CCNL1: variants seen among roughly 807,000 people sequenced by gnomAD.
CCNL1 encodes the protein cyclin L1.
Under a neutral mutation model 60.6 loss-of-function variants are expected in CCNL1, and 13 were observed. That is an observed-to-expected ratio of 0.21 (90% confidence interval 0.14 to 0.34). CCNL1 has a LOEUF of 0.34. CCNL1 is among the 10% of genes least tolerant of loss of function. CCNL1 has a pLI of 1.00. For missense variants in CCNL1, 481 were observed against 664.3 expected (o/e 0.72, Z 3.03); for synonymous variants, 270 against 244.3 (o/e 1.10, Z -0.98).
intron 3 of CCNL1, among the ~76,000 whole-genome samples, chr3:157,158,335 A>T (rs117684890): frequency 6.6e-6 from 1 of 152,342 alleles, no homozygotes; most frequent in East Asian, 1.9e-4. Flanking sequence ...AAACTTTATC[A>T]TCCTGCAGTC....
In CCNL1 at chr3:157,158,959, C is replaced by G; in HGVS notation, c.395G>C (p.Cys132Ser). ...KHSFEIVAMA[C>S]INLASKIEEA... ...TTCGATTTTTGATGCAAGATTAATACAAGCCATAGCAACAATCTGAAAGAA... is the reference window on the plus strand; with the variant it reads ...TTCGATTTTTGATGCAAGATTAATAGAAGCCATAGCAACAATCTGAAAGAA... The change falls in exon 3 of 11, where the codon TGT (cysteine) becomes TCT (serine). Residue 132 changes from cysteine to serine, a missense_variant. Physicochemically the swap from Cys to Ser is moderately radical, Grantham distance 112. Transcript: ENST00000295926. 6.2e-7 allele frequency: 1 copy of G among 1,608,068 alleles called. No homozygotes were observed. The highest frequency in any genetic ancestry group is 8.5e-7 in the Non-Finnish European group (1 of 1,177,264).
chr3:157,144,143 G>A (rs1485067277), downstream of CCNL1, among the ~76,000 whole-genome samples: 2 of 152,168 alleles, frequency 1.3e-5, no homozygotes, highest in African/African-American at 4.8e-5. Flanking sequence ...GAAGGGAGAA[G>A]AGGACACCTG....
At chr3:157,154,723 A>C (rs371814752) in intron 3 of CCNL1, 1 of 152,222 alleles carries the variant, frequency 6.6e-6, no homozygotes. Context: ...TGACAAGATA[A>C]AAGACAGCTG....
At chr3:157,150,442 T>C in intron 5 of CCNL1, 61 bp from the exon 6 acceptor site, 2 of 1,564,402 alleles carry the variant, frequency 1.3e-6, no homozygotes, top group Non-Finnish European at 1.7e-6. Flanking sequence ...GAAGCTTACA[T>C]AAAATTGGAG....
At chr3:157,143,655 T>C (rs1396894116), downstream of CCNL1, among the ~76,000 whole-genome samples, 1 of 152,162 alleles carries the variant, frequency 6.6e-6, no homozygotes, top group Non-Finnish European at 1.5e-5. Flanking sequence ...AAATTAGTGC[T>C]GGCTAAGGGA....
rs1317704381 is a variant in CCNL1 at position 157,159,840 on chromosome 3, C to T, written c.255G>A (p.Leu85=). Residue 85 remains leucine, a synonymous_variant, in exon 1 of 11, where the codon CTG becomes CTA. Coordinates refer to ENST00000295926, the MANE Select transcript of CCNL1 (RefSeq NM_020307.4). The part of the protein sequence containing the change: ...DLPSETDLRI[L]GCELIQAAGI... ...CGGCGGCCTGGATGAGCTCGCAGCC[C>T]AGGATGCGTAAGTCCGTCTCACTGG... 1 of 1,558,588 alleles carries T rather than the reference C, an allele frequency of 6.4e-7. No individual in the cohort carries two copies. The highest frequency in any genetic ancestry group is 1.4e-5 in the African/African-American group (1 of 73,614).
In CCNL1 at chr3:157,152,262, A is replaced by T. The variant is rs149273732; in HGVS notation, c.610-21T>A. The T allele has an allele frequency of 3.2e-5, 52 of 1,601,312 alleles. No homozygotes were observed. In the African/African-American group the frequency reaches 6.6e-4, roughly 20 times the overall value. ...ATGATCTGAAGGACAAGGGAAAAAA[A>T]CTCAATTCAGTATACTGGTAGTTCT... On this transcript the variant is annotated intron_variant, in intron 4 of 10. Coordinates refer to ENST00000295926, the MANE Select transcript of CCNL1 (RefSeq NM_020307.4).
chr3:157,151,349 T>C, intron 5 of CCNL1: 1 of 985,886 alleles, frequency 1.0e-6, no homozygotes, highest in Non-Finnish European at 1.2e-6. Context: ...ACAAACTCCT[T>C]GGCTTGACCT....
At position 157,153,166 on chromosome 3, in the gene CCNL1, G is replaced by A. The variant is rs775331643; in HGVS notation, c.489-10C>T. 6.3e-7 allele frequency: 1 copy of A among 1,594,860 alleles called. No homozygotes were observed. The highest frequency in any genetic ancestry group is 1.4e-5 in the African/African-American group (1 of 73,556). ...CAGGGGGCTTGGAGTCCTATAGTTTGTAAGAAATAAAATCAAAACTGTTTT... is the reference window on the plus strand; with the variant it reads ...CAGGGGGCTTGGAGTCCTATAGTTTATAAGAAATAAAATCAAAACTGTTTT... On this transcript the variant is annotated splice_polypyrimidine_tract_variant and intron_variant, in intron 3 of 10. Coordinates refer to ENST00000295926, the MANE Select transcript of CCNL1 (RefSeq NM_020307.4).
chr3:157,152,799 A>G, intron 4 of CCNL1: 1 of 1,240,748 alleles, frequency 8.1e-7, no homozygotes, highest in Non-Finnish European at 1.0e-6. Flanking sequence ...AGAAACAAAA[A>G]TAACTTCTCT....
At chr3:157,150,227 C>T (rs1738077554) in intron 6 of CCNL1, 55 bp downstream of exon 6, 5 of 1,608,902 alleles carry the variant, frequency 3.1e-6, no homozygotes, top group South Asian at 2.2e-5. Flanking sequence ...GTATTGGAAC[C>T]ACCGAAAATT....
In CCNL1 at chr3:157,152,970, TATAAA is replaced by T. The variant is rs572155093; in HGVS notation, c.609+61_609+65del. ...ACACTCAGATAGAAACATAAATTCATATAAAATAAAATTTTTAGAAAAGTCCTAAT... is the reference window on the plus strand; with the variant it reads ...ACACTCAGATAGAAACATAAATTCATATAAAATTTTTAGAAAAGTCCTAAT... On this transcript the variant is annotated intron_variant, in intron 4 of 10. Coordinates refer to ENST00000295926, the MANE Select transcript of CCNL1 (RefSeq NM_020307.4). 80 of 1,579,396 alleles carry T rather than the reference TATAAA, an allele frequency of 5.1e-5. No individual in the cohort carries two copies. In the Admixed American group the frequency reaches 9.5e-4, roughly 19 times the overall value.
chr3:157,159,143 T>TA, intron 2 of CCNL1, 168 bp from the exon 3 acceptor site: 22 of 630,692 alleles, frequency 3.5e-5, no homozygotes, highest in Non-Finnish European at 2.5e-5. Context: ...TAACTCATCT[T>TA]AATTTTGGTT....
At chr3:157,153,002 C>T in intron 4 of CCNL1, 34 bp downstream of exon 4, 7 of 1,608,382 alleles carry the variant, frequency 4.4e-6, no homozygotes, top group South Asian at 1.1e-5. Context: ...AGTCCTAATA[C>T]TTACGAACCC....
intron 3 of CCNL1, 182 bp from the exon 4 acceptor site, chr3:157,153,338 T>C (rs547278414): frequency 4.0e-4 from 208 of 517,542 alleles, no homozygotes; most frequent in Non-Finnish European, 6.1e-4. Context: ...TATATACATC[T>C]ACGAGACTAA....
downstream of CCNL1, chr3:157,147,526 T>C (rs1445052668): frequency 1.1e-6 from 1 of 944,114 alleles, no homozygotes; most frequent in East Asian, 1.2e-4. Flanking sequence ...AAAATTACCT[T>C]ATGACACCAT....
rs747753176 is a variant in CCNL1, at chr3:157,150,265, G to A, written c.774+17C>T. 6.2e-7 allele frequency: 1 copy of A among 1,612,914 alleles called. No individual in the cohort carries two copies. ...TGTGATTTATCCTACAGAACAAAAT[G>A]GGAAATATACACCTACCTGAAGTGC... On this transcript the variant is annotated intron_variant, in intron 6 of 10. Coordinates refer to ENST00000295926, the MANE Select transcript of CCNL1 (RefSeq NM_020307.4).
At chr3:157,146,848 A>T (rs953240926), downstream of CCNL1, among the ~76,000 whole-genome samples, 1 of 152,202 alleles carries the variant, frequency 6.6e-6, no homozygotes, top group Non-Finnish European at 1.5e-5. Context: ...TGAAGTGGCT[A>T]ACTTTTGCTG....
At chr3:157,149,050 G>A in intron 10 of CCNL1, 1 of 495,512 alleles carries the variant, frequency 2.0e-6, no homozygotes, top group Non-Finnish European at 3.6e-6. Context: ...TGGCCCTCAA[G>A]CACTTTGTGG....
Sources: gnomAD v4.1 joint callset for allele counts (sites outside exome capture counted in the v4.1 genomes callset) on GRCh38, gnomAD v4.1.1 for gene constraint, MANE v1.5 for transcripts, NCBI Gene and HGNC (gene_info 2026-07-23, HGNC 2026-07-21) for gene names.